Variants in ITGAD observed in about 807,000 individuals in gnomAD.
ITGAD encodes integrin alpha-D.
A neutral mutation model predicts 139.0 loss-of-function variants in ITGAD; 105 were observed. That is an observed-to-expected ratio of 0.76 (90% CI 0.65 to 0.89). The LOEUF is 0.89. Among genes scored for constraint, ITGAD ranks in the 40% least tolerant of loss-of-function variants. The pLI, the probability that ITGAD is intolerant of heterozygous loss-of-function variation, is 0.00. For synonymous variants in ITGAD, 569 were observed against 598.3 expected (o/e 0.95, Z 0.71); for missense variants, 1,384 against 1,487.3 (o/e 0.93, Z 1.14).
chr16:31,403,644 G>A lies in ITGAD; in HGVS notation c.703G>A (p.Val235Met), dbSNP rs748166194. 1 of 1,614,148 alleles carries A rather than the reference G, an allele frequency of 6.2e-7. No homozygotes were observed. Among genetic ancestry groups the A allele is most frequent in the Non-Finnish European group, 8.5e-7 (1 of 1,180,020 alleles). The change falls in exon 7 of 30, where the codon GTG (valine) becomes ATG (methionine). Residue 235 changes from valine (V) to methionine (M), a missense_variant and splice_region_variant. Coordinates refer to ENST00000389202, the MANE Select transcript of ITGAD (RefSeq NM_005353.3). This position sits in a 1 kb window ranked among gnomAD's most constrained non-coding sequence, Gnocchi z 4.4. ...TFTATGILTVVTQLFHHKNGA... is the reference protein window; with the variant it reads ...TFTATGILTVMTQLFHHKNGA... Reference sequence around the variant, plus strand: ...CACGGCCACGGGCATCCTGACAGTGGTGTAAGCAACCCCGACCCCAGCCTG... The same window carrying A: ...CACGGCCACGGGCATCCTGACAGTGATGTAAGCAACCCCGACCCCAGCCTG...
In ITGAD at chr16:31,410,934, G is replaced by A. The variant is rs140216146; in HGVS notation, c.1356+56G>A. 2.7e-5 allele frequency: 41 copies of A among 1,516,894 alleles called. No individual in the cohort carries two copies. The East Asian group carries it at 9.0e-4, about 33-fold the overall frequency. The allele number at this position is 1,516,894 out of a possible 1,614,324, so 94.0% of individuals were successfully genotyped here. On this transcript the variant is annotated intron_variant, in intron 12 of 29. Transcript: ENST00000389202. ...TGAGGGTGGGGAGGATGAGGGTGGG[G>A]ACAGTGGCCGGGGCTAGGGAGAGGA...
chr16:31,403,773 GC>G lies in ITGAD; in HGVS notation c.704+129del. On this transcript the variant is annotated intron_variant, in intron 7 of 29. Transcript: ENST00000389202. The surrounding 1 kb of genome is among the most constrained non-coding windows in gnomAD (Gnocchi z 4.4). ...AGGGGCTACCAAGGGGCATGTCGGG[GC>G]TGCAGGGAGAACCTCCCCCCGGGGT... 1 of 1,222,064 alleles carries G rather than the reference GC, an allele frequency of 8.2e-7. No individual in the cohort carries two copies. 75.7% of individuals were successfully genotyped at this position (1,222,064 alleles called of 1,614,324 possible). A position where few individuals can be genotyped will look rare whatever the true frequency, so the allele number is the denominator to read the frequency against.
At position 31,418,306 on chromosome 16, in the gene ITGAD, C is replaced by T. The variant is rs1414386046; in HGVS notation, c.2622C>T (p.Thr874=). ...TTTCCTTCTTCTTCCCTCAGGGCACCTTCATAGTCACATTCGATGTCTCCT... is the reference window on the plus strand; with the variant it reads ...TTTCCTTCTTCTTCCCTCAGGGCACTTTCATAGTCACATTCGATGTCTCCT... The part of the protein sequence containing the change: ...HPIFHEGSNG[T]FIVTFDVSYK... Residue 874 remains threonine (T), a synonymous_variant, in exon 22 of 30, where the codon ACC becomes ACT. Coordinates refer to ENST00000389202, the MANE Select transcript of ITGAD (RefSeq NM_005353.3). 6.2e-7 allele frequency: 1 copy of T among 1,613,984 alleles called. No individual in the cohort carries two copies. Among genetic ancestry groups the T allele is most frequent in the Middle Eastern group, 1.6e-4 (1 of 6,062 alleles).
chr16:31,410,841 G>A lies in ITGAD; in HGVS notation c.1319G>A (p.Arg440Lys). 1 of 1,613,862 alleles carries A rather than the reference G, an allele frequency of 6.2e-7. No individual in the cohort carries two copies. Among genetic ancestry groups the A allele is most frequent in the Non-Finnish European group, 8.5e-7 (1 of 1,179,908 alleles). Reference protein sequence around the residue: ...GKAVIFTQVSRQWRKKAEVTG... With the variant: ...GKAVIFTQVSKQWRKKAEVTG... ...GCTGTCATCTTCACCCAGGTGTCCA[G>A]GCAATGGAGGAAGAAGGCCGAAGTC... The change falls in exon 12 of 30, where the codon AGG (arginine) becomes AAG (lysine). Residue 440 changes from arginine to lysine, a missense_variant. Physicochemically the swap from Arg to Lys is conservative, Grantham distance 26 (BLOSUM62 2). Transcript: ENST00000389202.
rs187024472 is a variant in ITGAD, at chr16:31,406,765, G to A, written c.705-750G>A. Among the ~76,000 whole-genome samples, 123 of 152,276 alleles carry A rather than the reference G, an allele frequency of 8.1e-4. 1 individual carries two copies. In the Middle Eastern group the frequency reaches 0.014, roughly 17 times the overall value. On this transcript the variant is annotated intron_variant, in intron 7 of 29. Coordinates refer to ENST00000389202, the MANE Select transcript of ITGAD (RefSeq NM_005353.3). ...TGGCATGGTGTCACTTCCACCGCAC[G>A]TTACTGATGAGAGTGGGACTCAGCC...
In ITGAD at chr16:31,407,792, T is replaced by TG; in HGVS notation, c.886dup (p.Ala296GlyfsTer41). On this transcript the variant is annotated frameshift_variant, in exon 9 of 30. Coordinates refer to ENST00000389202, the MANE Select transcript of ITGAD (RefSeq NM_005353.3). LOFTEE classifies it high-confidence loss of function. ...TGGGACACGCTTTCCAGGGACCCAC[T>TG]GCCAGGCAGGAGCTGAATACCATCA... 6.2e-7 allele frequency: 1 copy of TG among 1,613,984 alleles called. No individual in the cohort carries two copies. Among genetic ancestry groups the TG allele is most frequent in the Non-Finnish European group, 8.5e-7 (1 of 1,179,862 alleles).
At chr16:31,410,308 C>G (rs148731683) in intron 10 of ITGAD, 87 bp from the exon 11 acceptor site, 1 of 1,566,312 alleles carries the variant, frequency 6.4e-7, no homozygotes, top group African/African-American at 1.4e-5. Flanking sequence ...GCCTGGATGG[C>G]GAGTGATGCG....
In ITGAD at chr16:31,403,334, C is replaced by A; in HGVS notation, c.559-166C>A. 1 of 760,738 alleles carries A rather than the reference C, an allele frequency of 1.3e-6. No individual in the cohort carries two copies. Among genetic ancestry groups the A allele is most frequent in the Non-Finnish European group, 2.1e-6 (1 of 474,488 alleles). The allele number at this position is 760,738 out of a possible 1,614,324, so 47.1% of individuals were successfully genotyped here. A position where few individuals can be genotyped will look rare whatever the true frequency, so the allele number is the denominator to read the frequency against. ...ACCAAAAACAAAACAAAACAAAAAA[C>A]AAAGCCAGGCATGTGACGTGTGCCT... On this transcript the variant is annotated intron_variant, in intron 6 of 29. Coordinates refer to ENST00000389202, the MANE Select transcript of ITGAD (RefSeq NM_005353.3). This position sits in a 1 kb window ranked among gnomAD's most constrained non-coding sequence, Gnocchi z 4.4.
chr16:31,403,575 C>G lies in ITGAD; in HGVS notation c.634C>G (p.Gln212Glu). 1 of 1,614,214 alleles carries G rather than the reference C, an allele frequency of 6.2e-7. No homozygotes were observed. Among genetic ancestry groups the G allele is most frequent in the South Asian group, 1.1e-5 (1 of 91,086 alleles). Residue 212 changes from glutamine to glutamate, a missense_variant, in exon 7 of 30, where the codon CAG (glutamine) becomes GAG (glutamate). By Grantham distance (29) the Gln-to-Glu change is conservative (BLOSUM62 2). Transcript: ENST00000389202. The surrounding 1 kb of genome is among the most constrained non-coding windows in gnomAD (Gnocchi z 4.4). ...FTQFRTSPSQQSLVDPIVQLK... is the reference protein window; with the variant it reads ...FTQFRTSPSQESLVDPIVQLK... ...CCAATTCCGGACCAGCCCGAGCCAG[C>G]AGAGCCTGGTGGATCCCATCGTCCA...
rs752434460 is a variant in ITGAD, at chr16:31,397,880, T to G, written c.398T>G (p.Ile133Ser). ...CTCCTGCTGGGCTCGCGCTGGGAGA[T>G]CATCCAGACAGTCCCCGACGCCACG... Reference protein sequence around the residue: ...SCLLLGSRWEIIQTVPDATPE... With the variant: ...SCLLLGSRWESIQTVPDATPE... The change falls in exon 5 of 30, where the codon ATC (isoleucine) becomes AGC (serine). Residue 133 changes from isoleucine to serine, a missense_variant. Coordinates refer to ENST00000389202, the MANE Select transcript of ITGAD (RefSeq NM_005353.3). 6.2e-7 allele frequency: 1 copy of G among 1,613,464 alleles called. No individual in the cohort carries two copies. The highest frequency in any genetic ancestry group is 1.1e-5 in the South Asian group (1 of 90,962).
chr16:31,402,078 C>T (rs199582165), intron 5 of ITGAD, 37 bp from the exon 6 acceptor site: 13 of 1,603,666 alleles, frequency 8.1e-6, no homozygotes, highest in South Asian at 6.6e-5. Flanking sequence ...GTTGGGCCCC[C>T]GCAGTGCATC....
Position 31,421,460 on chromosome 16 carries a change from C to T in ITGAD, c.2781-1654C>T, listed in dbSNP as rs554475889. On this transcript the variant is annotated intron_variant, in intron 23 of 29. Transcript: ENST00000389202. ...GCAACATAGTGAGAACCCATCTCTA[C>T]CAAAAAAAAAAAATTAAAAATGAAA... is the stretch of plus-strand genomic sequence containing the variant. 3.6e-5 allele frequency among the ~76,000 whole-genome samples: 5 copies of T among 139,606 alleles called. No homozygotes were observed. In the Admixed American group the frequency reaches 3.6e-4, roughly 10 times the overall value. 91.6% of individuals were successfully genotyped at this position (139,606 alleles called of 152,430 possible).
chr16:31,426,181 C>A lies in ITGAD; in HGVS notation c.*53C>A. 8.1e-7 allele frequency: 1 copy of A among 1,228,522 alleles called. No homozygotes were observed. Among genetic ancestry groups the A allele is most frequent in the South Asian group, 1.3e-5 (1 of 79,764 alleles). The allele number at this position is 1,228,522 out of a possible 1,614,324, so 76.1% of individuals were successfully genotyped here. A position where few individuals can be genotyped will look rare whatever the true frequency, so the allele number is the denominator to read the frequency against. On this transcript the variant is annotated 3_prime_UTR_variant, in exon 30 of 30. Transcript: ENST00000389202. ...ACTGTGGGCTGGACTTGCTTGCAAC[C>A]ATAAATCAACTTACATGGAAACAAC...
intron 23 of ITGAD, among the ~76,000 whole-genome samples, chr16:31,418,853 T>G (rs2081951955): frequency 6.6e-6 from 1 of 152,104 alleles, no homozygotes; most frequent in African/African-American, 2.4e-5. Context: ...AAACCCCATC[T>G]CTACTAAAAA....
Position 31,423,772 on chromosome 16 carries a change from C to A in ITGAD, c.3046-73C>A, listed in dbSNP as rs2082055006. On this transcript the variant is annotated intron_variant, in intron 26 of 29. Coordinates refer to ENST00000389202, the MANE Select transcript of ITGAD (RefSeq NM_005353.3). ...CTGCTCATCTGTTCCCCACCCCAAA[C>A]CTGACCATATTTTTTCCTATGGCTC... 5 of 1,568,178 alleles carry A rather than the reference C, an allele frequency of 3.2e-6. No homozygotes were observed. The South Asian group carries it at 4.5e-5, about 14-fold the overall frequency.
chr16:31,410,936 C>G, intron 12 of ITGAD, 58 bp downstream of exon 12: 1 of 1,598,104 alleles, frequency 6.3e-7, no homozygotes, highest in Non-Finnish European at 8.5e-7. Context: ...AGGGTGGGGA[C>G]AGTGGCCGGG....
chr16:31,411,059 C>T lies in ITGAD; in HGVS notation c.1357-17C>T. 6.2e-7 allele frequency: 1 copy of T among 1,611,792 alleles called. No individual in the cohort carries two copies. Among genetic ancestry groups the T allele is most frequent in the Non-Finnish European group, 8.5e-7 (1 of 1,179,736 alleles). On this transcript the variant is annotated splice_polypyrimidine_tract_variant and intron_variant, in intron 12 of 29. Coordinates refer to ENST00000389202, the MANE Select transcript of ITGAD (RefSeq NM_005353.3). The stretch of plus-strand genomic sequence containing the variant: ...TCTGGCTGGGACAGGCAGCATGACC[C>T]AGGCTCTGCCCTCCAGATCGGCTCC...
rs555900062 is a variant in ITGAD, at chr16:31,424,647, G to A, written c.3372+70G>A. The A allele has an allele frequency of 7.9e-5, 81 of 1,027,978 alleles. No individual in the cohort carries two copies. The East Asian group carries it at 1.8e-3, about 23-fold the overall frequency. The allele number at this position is 1,027,978 out of a possible 1,614,324, so 63.7% of individuals were successfully genotyped here. A position where few individuals can be genotyped will look rare whatever the true frequency, so the allele number is the denominator to read the frequency against. On this transcript the variant is annotated intron_variant, in intron 29 of 29. Coordinates refer to ENST00000389202, the MANE Select transcript of ITGAD (RefSeq NM_005353.3). Reference sequence around the variant, plus strand: ...GTTTCCACTCTTACTGCCCAGGCTGGAGTGCAATGGCATGATCTTGGCTCA... The same window carrying A: ...GTTTCCACTCTTACTGCCCAGGCTGAAGTGCAATGGCATGATCTTGGCTCA...
Position 31,397,917 on chromosome 16 carries a change from C to T in ITGAD, c.427+8C>T, listed in dbSNP as rs759624645. 3 of 1,601,514 alleles carry T rather than the reference C, an allele frequency of 1.9e-6. No individual in the cohort carries two copies. Among genetic ancestry groups the T allele is most frequent in the Non-Finnish European group, 2.6e-6 (3 of 1,171,810 alleles). ...TCCCCGACGCCACGCCAGGTAGGTCCCTGGCAGGCCATGGTTCCCTGTGGA... is the reference window on the plus strand; with the variant it reads ...TCCCCGACGCCACGCCAGGTAGGTCTCTGGCAGGCCATGGTTCCCTGTGGA... On this transcript the variant is annotated splice_region_variant and intron_variant, in intron 5 of 29. Transcript: ENST00000389202.
Sources: gnomAD v4.1 joint callset for allele counts (sites outside exome capture counted in the v4.1 genomes callset) on GRCh38, gnomAD v4.1.1 for gene constraint, Gnocchi (gnomAD v3.1) non-coding constraint, MANE v1.5 for transcripts, NCBI Gene and HGNC (gene_info 2026-07-23, HGNC 2026-07-21) for gene names.